Variants in PRKG1 observed in about 807,000 individuals in gnomAD.
PRKG1 encodes the protein protein kinase cGMP-dependent 1, also known as cGMP-dependent protein kinase 1.
Under a neutral mutation model 88.1 loss-of-function variants are expected in PRKG1, and 35 were observed. That is an observed-to-expected ratio of 0.40 (90% CI 0.30 to 0.53). The LOEUF (loss-of-function observed/expected upper bound fraction) is 0.53. Ranked by LOEUF, PRKG1 falls within the 20% of genes least tolerant of loss-of-function variation. PRKG1 has a pLI of 0.59. For missense variants in PRKG1, 540 were observed against 839.8 expected (o/e 0.64, Z 4.41); for synonymous variants, 303 against 292.5 (o/e 1.04, Z -0.37).
At chr10:51,392,308 A>T (rs1010413007) in intron 2 of PRKG1, among the ~76,000 whole-genome samples, 6 of 151,874 alleles carry the variant, frequency 4.0e-5, no homozygotes, top group Non-Finnish European at 7.4e-5. Flanking sequence ...CCCTGGGTAC[A>T]TGAGATTAGG....
intron 3 of PRKG1, among the ~76,000 whole-genome samples, chr10:51,779,801 C>A (rs992854691): frequency 6.6e-6 from 1 of 151,942 alleles, no homozygotes; most frequent in Non-Finnish European, 1.5e-5. Context: ...ACATTTTTTT[C>A]TTTTTTAAAT....
intron 14 of PRKG1, among the ~76,000 whole-genome samples, chr10:52,282,801 T>C (rs1215423613): frequency 6.6e-6 from 1 of 151,962 alleles, no homozygotes; most frequent in Non-Finnish European, 1.5e-5. Context: ...AAACAAACTT[T>C]AAGATCCTCA....
At chr10:51,224,280 A>T (rs554217782) in intron 2 of PRKG1, among the ~76,000 whole-genome samples, 3 of 152,286 alleles carry the variant, frequency 2.0e-5, no homozygotes, top group African/African-American at 7.2e-5. Flanking sequence ...AGAATCACTA[A>T]GGAGTCAGAG....
At chr10:51,632,761 T>G (rs776980369) in intron 3 of PRKG1, among the ~76,000 whole-genome samples, 20 of 152,214 alleles carry the variant, frequency 1.3e-4, no homozygotes, top group Non-Finnish European at 2.6e-4. Flanking sequence ...TAAGGAACTC[T>G]GATTGGGCTG....
At chr10:51,612,957 C>T (rs1838949557) in intron 3 of PRKG1, among the ~76,000 whole-genome samples, 1 of 151,956 alleles carries the variant, frequency 6.6e-6, no homozygotes, top group South Asian at 2.1e-4. Flanking sequence ...CCTTGCGTAC[C>T]TGGTATAATC....
chr10:51,474,295 T>C (rs761977525), intron 3 of PRKG1, among the ~76,000 whole-genome samples: 30 of 152,024 alleles, frequency 2.0e-4, no homozygotes, highest in Non-Finnish European at 3.7e-4. Context: ...TTGCCTGCAA[T>C]GTTTCATTTT....
chr10:52,274,098 G>A (rs1348149292), intron 12 of PRKG1, among the ~76,000 whole-genome samples: 3 of 151,922 alleles, frequency 2.0e-5, no homozygotes, highest in African/African-American at 7.3e-5. Flanking sequence ...CACAAAGGGA[G>A]AGCCCAGCTA....
intron 2 of PRKG1, among the ~76,000 whole-genome samples, chr10:51,428,413 A>C (rs1357677522): frequency 6.6e-6 from 1 of 152,214 alleles, no homozygotes; most frequent in Non-Finnish European, 1.5e-5. Context: ...TGATGAAGCC[A>C]TGAAAAAGAA....
intron 2 of PRKG1, among the ~76,000 whole-genome samples, chr10:51,360,584 G>C (rs753183814): frequency 2.6e-5 from 4 of 151,928 alleles, no homozygotes; most frequent in African/African-American, 4.8e-5. Flanking sequence ...AGGCTAGTGA[G>C]AGGGTGAAAT....
At chr10:51,822,463 A>G (rs1236768086) in intron 4 of PRKG1, among the ~76,000 whole-genome samples, 5 of 151,920 alleles carry the variant, frequency 3.3e-5, no homozygotes, top group Non-Finnish European at 4.4e-5. Context: ...CTAAATGAAG[A>G]AAAAAAAGGT....
At chr10:51,464,877 C>G (rs1839851568) in intron 2 of PRKG1, among the ~76,000 whole-genome samples, 2 of 116,622 alleles carry the variant, frequency 1.7e-5, no homozygotes, top group Admixed American at 1.1e-4. Flanking sequence ...GGCGACAGAG[C>G]GAGACTCCGT....
intron 4 of PRKG1, among the ~76,000 whole-genome samples, chr10:51,878,852 C>T (rs1407471350): frequency 6.6e-6 from 1 of 152,118 alleles, no homozygotes; most frequent in Admixed American, 6.6e-5. Context: ...ACAGAGAGAA[C>T]AGACACACAC....
intron 5 of PRKG1, among the ~76,000 whole-genome samples, chr10:51,914,262 G>A (rs1842289021): frequency 7.1e-6 from 1 of 141,476 alleles, no homozygotes; most frequent in African/African-American, 2.7e-5. Flanking sequence ...AGGCTATGAT[G>A]ACATCTTTAA....
chr10:51,952,608 G>A (rs1843211453), intron 5 of PRKG1, among the ~76,000 whole-genome samples: 1 of 152,108 alleles, frequency 6.6e-6, no homozygotes, highest in Admixed American at 6.5e-5. Context: ...AATATTAAGT[G>A]TCATTGTTCT....
At chr10:51,444,784 T>A (rs1026985568) in intron 2 of PRKG1, among the ~76,000 whole-genome samples, 1 of 151,982 alleles carries the variant, frequency 6.6e-6, no homozygotes, top group East Asian at 1.9e-4. Context: ...GCAATTTTGT[T>A]TTTGTTTCAC....
chr10:51,750,134 T>C (rs1175104964), intron 3 of PRKG1, among the ~76,000 whole-genome samples: 2 of 151,812 alleles, frequency 1.3e-5, no homozygotes. Context: ...CAGGGTTTCA[T>C]CATATTGGCC....
intron 4 of PRKG1, among the ~76,000 whole-genome samples, chr10:51,878,435 G>T (rs1335583189): frequency 6.6e-6 from 1 of 152,056 alleles, no homozygotes; most frequent in Admixed American, 6.6e-5. Flanking sequence ...CATCAGTCTA[G>T]AAAGTGGATG....
chr10:52,224,127 A>G (rs1001374601), intron 9 of PRKG1, among the ~76,000 whole-genome samples: 2 of 152,102 alleles, frequency 1.3e-5, no homozygotes, highest in Non-Finnish European at 2.9e-5. Flanking sequence ...ACAATGGTCT[A>G]CAAGGCCCCA....
chr10:51,666,080 G>A (rs1840415602), intron 3 of PRKG1, among the ~76,000 whole-genome samples: 1 of 152,126 alleles, frequency 6.6e-6, no homozygotes, highest in South Asian at 2.1e-4. Context: ...GGAAATCAAG[G>A]TGTTGACAAA....
Sources: allele counts gnomAD v4.1 joint callset (sites outside exome capture counted in the v4.1 genomes callset), GRCh38; gene constraint gnomAD v4.1.1; transcripts MANE v1.5; gene names NCBI Gene and HGNC (gene_info 2026-07-23, HGNC 2026-07-21).